Variants in PCDH15 observed in about 807,000 individuals in gnomAD.
The protein encoded by PCDH15 is protocadherin-15.
Under a neutral mutation model 178.5 loss-of-function variants are expected in PCDH15, and 129 were observed. That is an observed-to-expected ratio of 0.72 (90% CI 0.63 to 0.84). The LOEUF is 0.84. Ranked by LOEUF, PCDH15 falls within the 40% of genes least tolerant of loss-of-function variation. The pLI is 0.00. For synonymous variants in PCDH15, 800 were observed against 732.0 expected (o/e 1.09, Z -1.50); for missense variants, 2,230 against 2,099.9 (o/e 1.06, Z -1.21).
At chr10:54,337,513 A>G (rs1338635767) in intron 6 of PCDH15, among the ~76,000 whole-genome samples, 1 of 152,054 alleles carries the variant, frequency 6.6e-6, no homozygotes, top group Admixed American at 6.6e-5. Flanking sequence ...TTCTTTATAA[A>G]TTACCCAGTC....
In PCDH15 at chr10:55,069,892, C is replaced by A. The variant is rs1242562016; in HGVS notation, c.-80+96684G>T. On this transcript the variant is annotated intron_variant, in intron 2 of 5. Coordinates refer to the PCDH15 transcript ENST00000458638. Reference sequence around the variant, plus strand: ...TGGTTGAACTAGTTTACAGTCCCACCAACAGTGTAAAAGTGTTCCCATTTC... The same window carrying A: ...TGGTTGAACTAGTTTACAGTCCCACAAACAGTGTAAAAGTGTTCCCATTTC... Among the ~76,000 whole-genome samples the A allele has an allele frequency of 9.2e-5, 14 of 152,208 alleles. No individual in the cohort carries two copies. The East Asian group carries it at 2.7e-3, about 29-fold the overall frequency.
chr10:53,948,993 A>G (rs2086794458), intron 23 of PCDH15, among the ~76,000 whole-genome samples: 1 of 152,214 alleles, frequency 6.6e-6, no homozygotes, highest in African/African-American at 2.4e-5. Context: ...GGACGTATAA[A>G]ATCACTCTTT....
intron 2 of PCDH15, among the ~76,000 whole-genome samples, chr10:54,968,745 A>G (rs1219534): frequency 0.013 from 2,009 of 152,192 alleles, 44 homozygotes; most frequent in African/African-American, 0.044. Context: ...AAGAATATCA[A>G]TCACACATAG....
intron 16 of PCDH15, among the ~76,000 whole-genome samples, chr10:54,081,778 C>CT (rs1361093667): frequency 1.3e-3 from 197 of 152,186 alleles, no homozygotes; most frequent in African/African-American, 4.4e-3. Context: ...GATAAAGCAT[C>CT]AATAACACTG....
At chr10:55,095,075 C>T (rs116472647) in intron 2 of PCDH15, among the ~76,000 whole-genome samples, 2,793 of 151,856 alleles carry the variant, frequency 0.018, 88 homozygotes, top group African/African-American at 0.062. Context: ...TGTATGCCAC[C>T]ACGCCTGGCT....
At chr10:54,281,391 GACA>G (rs887778461) in intron 8 of PCDH15, among the ~76,000 whole-genome samples, 5 of 151,884 alleles carry the variant, frequency 3.3e-5, no homozygotes, top group African/African-American at 1.2e-4. Flanking sequence ...TTGTGGATAT[GACA>G]ACAATTCTGC....
intron 3 of PCDH15, among the ~76,000 whole-genome samples, chr10:54,443,580 T>C (rs895670297): frequency 1.3e-5 from 2 of 151,656 alleles, no homozygotes; most frequent in African/African-American, 4.8e-5. Context: ...CACCTGTAAA[T>C]AGAGGATCCA....
At chr10:53,836,294 A>C (rs1589015221) in intron 29 of PCDH15, among the ~76,000 whole-genome samples, 2 of 152,164 alleles carry the variant, frequency 1.3e-5, no homozygotes, top group African/African-American at 4.8e-5. Flanking sequence ...GAGAAAGCCC[A>C]TACCAAGGCT....
intron 2 of PCDH15, among the ~76,000 whole-genome samples, chr10:55,373,228 A>G (rs1845548670): frequency 1.3e-5 from 2 of 152,138 alleles, no homozygotes; most frequent in Non-Finnish European, 2.9e-5. Flanking sequence ...TCATTTATGT[A>G]GCTATATACA....
At chr10:53,879,978 T>G (rs2080583893) in intron 26 of PCDH15, among the ~76,000 whole-genome samples, 2 of 152,206 alleles carry the variant, frequency 1.3e-5, no homozygotes, top group South Asian at 4.1e-4. Context: ...TACTTAAAAT[T>G]TGCTTCATGA....
intron 2 of PCDH15, among the ~76,000 whole-genome samples, chr10:54,995,103 A>G (rs111683267): frequency 1.2e-3 from 176 of 152,234 alleles, no homozygotes; most frequent in African/African-American, 1.2e-3. Context: ...TAGGCCGGGC[A>G]CGGTGGCTCA....
intron 3 of PCDH15, among the ~76,000 whole-genome samples, chr10:54,853,289 G>GTATATATATATATATATATATA (rs71014423): frequency 9.7e-6 from 1 of 102,576 alleles, no homozygotes; most frequent in African/African-American, 3.9e-5. Flanking sequence ...ATGTATGTGT[G>GTATATATATATATATATATATA]TATATATATA....
intron 2 of PCDH15, among the ~76,000 whole-genome samples, chr10:55,608,089 C>T (rs1452488812): frequency 2.0e-5 from 3 of 151,934 alleles, no homozygotes; most frequent in East Asian, 1.9e-4. Flanking sequence ...AAGACGGGAG[C>T]GTCTATGAGT....
intron 3 of PCDH15, among the ~76,000 whole-genome samples, chr10:54,414,317 A>ATTT (rs1953997926): frequency 6.6e-6 from 1 of 152,062 alleles, no homozygotes; most frequent in African/African-American, 2.4e-5. Flanking sequence ...TAATCTACAA[A>ATTT]ATTAACATAA....
chr10:54,167,823 A>C (rs1162378185), intron 13 of PCDH15, among the ~76,000 whole-genome samples: 5 of 142,936 alleles, frequency 3.5e-5, no homozygotes, highest in East Asian at 2.2e-4. Context: ...CCTTATTTCC[A>C]TGCCCCAACC....
chr10:55,061,509 T>C (rs1238942977), intron 2 of PCDH15, among the ~76,000 whole-genome samples: 2 of 152,180 alleles, frequency 1.3e-5, no homozygotes, highest in Admixed American at 1.3e-4. Context: ...TTTACAACAT[T>C]AAACAGCCTT....
intron 27 of PCDH15, among the ~76,000 whole-genome samples, chr10:53,859,074 A>T (rs1191834464): frequency 6.6e-6 from 1 of 151,626 alleles, no homozygotes; most frequent in Non-Finnish European, 1.5e-5. Flanking sequence ...GAAACGGTTA[A>T]AAAAAAGTTT....
intron 15 of PCDH15, among the ~76,000 whole-genome samples, chr10:54,126,067 T>A (rs2041962150): frequency 1.5e-5 from 2 of 133,630 alleles, no homozygotes; most frequent in Admixed American, 1.6e-4. Context: ...ATAAAAAGAA[T>A]TACCATTTTT....
chr10:54,766,847 G>A (rs781408229), intron 1 of PCDH15, among the ~76,000 whole-genome samples: 6 of 151,840 alleles, frequency 4.0e-5, no homozygotes, highest in African/African-American at 7.3e-5. Context: ...GGAGAATGAC[G>A]TGAACCCCGG....
Sources: gnomAD v4.1 joint callset for allele counts (sites outside exome capture counted in the v4.1 genomes callset) on GRCh38, gnomAD v4.1.1 for gene constraint, MANE v1.5 for transcripts, NCBI Gene and HGNC (gene_info 2026-07-23, HGNC 2026-07-21) for gene names.